DMD: variants seen among roughly 807,000 people sequenced by gnomAD.
DMD encodes mutant dystrophin.
DMD carries 63 observed loss-of-function variants against 330.1 expected under a neutral mutation model. The observed-to-expected ratio is 0.19, with a 90% CI of 0.16 to 0.24. The LOEUF is 0.24. Among genes scored for constraint, DMD ranks in the 10% least tolerant of loss-of-function variants. DMD has a pLI of 1.00. For missense variants in DMD, 3,344 were observed against 2,684.1 expected (o/e 1.25, Z -5.43); for synonymous variants, 1,223 against 959.8 (o/e 1.27, Z -5.07).
rs140141906 is a variant in DMD at position 33,135,829 on chromosome X, T to C, written c.31+75453A>G. On this transcript the variant is annotated intron_variant, in intron 1 of 78. Transcript: ENST00000357033. Reference sequence around the variant, plus strand: ...GCATAAATGGATAATATTTAACATATAAGGTAATTGAAACATGGGTATGTA... The same window carrying C: ...GCATAAATGGATAATATTTAACATACAAGGTAATTGAAACATGGGTATGTA... 4.1e-4 allele frequency among the ~76,000 whole-genome samples: 46 copies of C among 112,395 alleles called. No individual in the cohort carries two copies. The East Asian group carries it at 0.012, about 29-fold the overall frequency.
chrX:31,602,067 T>G (rs941535903), intron 55 of DMD, among the ~76,000 whole-genome samples: 14 of 111,707 alleles, frequency 1.3e-4, no homozygotes, highest in African/African-American at 4.2e-4. Context: ...GGTTTACACA[T>G]AAATCTTTTA....
chrX:32,894,539 C>T (rs1014176135), intron 2 of DMD, among the ~76,000 whole-genome samples: 1 of 112,582 alleles, frequency 8.9e-6, no homozygotes, highest in Admixed American at 9.3e-5. Flanking sequence ...CCCTTAATGA[C>T]GTTCACCTGG....
Position 32,599,768 on chromosome X carries a change from ATTTAT to A in DMD, c.1483-3897_1483-3893del, listed in dbSNP as rs1461423422. 1.8e-4 allele frequency among the ~76,000 whole-genome samples: 20 copies of A among 111,955 alleles called. No individual in the cohort carries two copies. In the Admixed American group the frequency reaches 1.9e-3, roughly 11 times the overall value. On this transcript the variant is annotated intron_variant, in intron 12 of 78. Coordinates refer to ENST00000357033, the MANE Select transcript of DMD (RefSeq NM_004006.3). ...ACACATACTAGGTACTTTATTATGCATTTATTTTCATTATTTTATTAAAGGAATGC... is the reference window on the plus strand; with the variant it reads ...ACACATACTAGGTACTTTATTATGCATTTCATTATTTTATTAAAGGAATGC...
intron 29 of DMD, among the ~76,000 whole-genome samples, chrX:32,433,247 GTCA>G (rs2098245806): frequency 1.8e-5 from 2 of 112,104 alleles, no homozygotes; most frequent in Non-Finnish European, 3.8e-5. Flanking sequence ...TATGAAAAGG[GTCA>G]CAGAGATTGG....
chrX:31,683,163 TA>T (rs1292024727), intron 52 of DMD, among the ~76,000 whole-genome samples: 2 of 111,840 alleles, frequency 1.8e-5, no homozygotes, highest in Non-Finnish European at 3.8e-5. Flanking sequence ...ATTAGTTAAT[TA>T]AAAATATTTA....
chrX:33,284,912 C>A (rs1378193646), intron 1 of DMD, among the ~76,000 whole-genome samples: 1 of 107,343 alleles, frequency 9.3e-6, no homozygotes, highest in Non-Finnish European at 1.9e-5. Flanking sequence ...TTAATGACTA[C>A]ATAAATGACT....
intron 1 of DMD, among the ~76,000 whole-genome samples, chrX:33,324,175 C>A (rs1368488129): frequency 9.0e-6 from 1 of 111,303 alleles, no homozygotes; most frequent in Non-Finnish European, 1.9e-5. Context: ...TGAGTGCCAG[C>A]AACTTATTTC....
chrX:32,184,168 T>G (rs921715292), intron 44 of DMD, among the ~76,000 whole-genome samples: 2 of 33,244 alleles, frequency 6.0e-5, no homozygotes, highest in African/African-American at 2.2e-4. Context: ...ACAATGAGTG[T>G]TTTTTTTCTG....
chrX:32,912,028 G>GGGGA (rs2087296902), intron 2 of DMD, among the ~76,000 whole-genome samples: 1 of 62,360 alleles, frequency 1.6e-5, no homozygotes, highest in Admixed American at 1.4e-4. Flanking sequence ...TGGGAGAGAA[G>GGGGA]GGGAGAGAGA....
chrX:31,777,135 T>C (rs1169045448), intron 50 of DMD, among the ~76,000 whole-genome samples: 1 of 112,051 alleles, frequency 8.9e-6, no homozygotes, highest in East Asian at 2.8e-4. Flanking sequence ...AGAGGTCTTC[T>C]ACATACAATG....
At chrX:31,348,712 T>A in intron 60 of DMD, 78 bp from the exon 61 acceptor site, 2 of 886,315 alleles carry the variant, frequency 2.3e-6, no homozygotes, top group Non-Finnish European at 3.3e-6. Flanking sequence ...TCCTTTCTGA[T>A]AAGATACTTT....
rs144868051 is a variant in DMD, at chrX:32,139,885, T to C, written c.6438+77031A>G. ...AAAATAGAGAAAGAAGAGAGAAAAT[T>C]AAAATGTCTGGCTAATTCCTAATAG... On this transcript the variant is annotated intron_variant, in intron 44 of 78. Transcript: ENST00000357033. Among the ~76,000 whole-genome samples the C allele has an allele frequency of 7.5e-3, 847 of 112,505 alleles. 26 individuals carry two copies. The Admixed American group carries it at 0.077, about 10-fold the overall frequency.
chrX:32,566,666 G>C lies in DMD; in HGVS notation c.1813-785C>G, dbSNP rs1431993611. On this transcript the variant is annotated intron_variant, in intron 15 of 78. Coordinates refer to ENST00000357033, the MANE Select transcript of DMD (RefSeq NM_004006.3). ...ATTTATATTTCCAAAGTTCCTGTGA[G>C]CTGTGGAGGGTTACAAACTCCCTTT... 2.6e-4 allele frequency among the ~76,000 whole-genome samples: 29 copies of C among 111,946 alleles called. No individual in the cohort carries two copies. In the Admixed American group the frequency reaches 2.8e-3, roughly 11 times the overall value.
At chrX:31,933,838 G>A (rs1450053099) in intron 45 of DMD, among the ~76,000 whole-genome samples, 2 of 111,646 alleles carry the variant, frequency 1.8e-5, no homozygotes, top group East Asian at 2.8e-4. Flanking sequence ...TTATGTTTAC[G>A]ATAATCCATG....
intron 49 of DMD, among the ~76,000 whole-genome samples, chrX:31,821,136 C>T (rs748261446): frequency 5.9e-4 from 66 of 112,612 alleles, no homozygotes; most frequent in Middle Eastern, 4.6e-3. Flanking sequence ...AAGCAGAAGA[C>T]TCTTAGGTCC....
At chrX:32,335,289 T>A (rs1262185244) in intron 41 of DMD, among the ~76,000 whole-genome samples, 1 of 108,081 alleles carries the variant, frequency 9.3e-6, no homozygotes, top group African/African-American at 3.4e-5. Context: ...GTAACCTCTG[T>A]CTCCCAGTTT....
chrX:31,877,376 A>G lies in DMD; in HGVS notation c.6913-2003T>C, dbSNP rs139659338. Among the ~76,000 whole-genome samples, 869 of 110,855 alleles carry G rather than the reference A, an allele frequency of 7.8e-3. 10 individuals carry two copies. Among genetic ancestry groups the G allele is most frequent in the African/African-American group, 0.026 (806 of 30,434 alleles). Reference sequence around the variant, plus strand: ...GCCTGGCTTTGTCGTGTGGAACTGCACCTCATCGCAGGAGCTGTCAGTTGG... The same window carrying G: ...GCCTGGCTTTGTCGTGTGGAACTGCGCCTCATCGCAGGAGCTGTCAGTTGG... On this transcript the variant is annotated intron_variant, in intron 47 of 78. Coordinates refer to ENST00000357033, the MANE Select transcript of DMD (RefSeq NM_004006.3).
chrX:31,740,602 T>C (rs188328135), intron 51 of DMD, among the ~76,000 whole-genome samples: 1 of 112,258 alleles, frequency 8.9e-6, no homozygotes, highest in East Asian at 2.8e-4. Flanking sequence ...AAGTGTGCAA[T>C]AGCATTGTAT....
At chrX:32,535,151 A>G (rs1202937768) in intron 17 of DMD, among the ~76,000 whole-genome samples, 2 of 111,620 alleles carry the variant, frequency 1.8e-5, no homozygotes, top group Non-Finnish European at 3.8e-5. Flanking sequence ...GGCCATATAC[A>G]TTCCATTTCA....
Sources: gnomAD v4.1 joint callset for allele counts (sites outside exome capture counted in the v4.1 genomes callset) on GRCh38, gnomAD v4.1.1 for gene constraint, MANE v1.5 for transcripts, NCBI Gene and HGNC (gene_info 2026-07-23, HGNC 2026-07-21) for gene names.